CADM2: variants seen among roughly 807,000 people sequenced by gnomAD.
The protein encoded by CADM2 is immunoglobulin superfamily member 4D.
CADM2 carries 12 observed loss-of-function variants against 49.8 expected under a neutral mutation model. The observed-to-expected ratio is 0.24, with a 90% confidence interval of 0.15 to 0.39. The LOEUF (loss-of-function observed/expected upper bound fraction) is 0.39, where lower values mean the gene tolerates loss of function less well. CADM2 is among the 10% of genes least tolerant of loss of function. The probability of loss-of-function intolerance (pLI) is 1.00; values close to 1 mark genes in which losing one functional copy is unlikely to be tolerated. For missense variants in CADM2, 378 were observed against 492.3 expected, an observed-to-expected ratio of 0.77 and a Z score of 2.20; for synonymous variants, 214 against 175.4, an observed-to-expected ratio of 1.22 and a Z score of -1.74.
chr3:84,984,612 A>C (rs2032438060), intron 1 of CADM2, among the ~76,000 whole-genome samples: 1 of 151,966 alleles, frequency 6.6e-6, no homozygotes, highest in Non-Finnish European at 1.5e-5. Flanking sequence ...AGAAAAAAAA[A>C]AAAGGTCAGG....
At chr3:84,972,948 T>C (rs1260726215) in intron 1 of CADM2, among the ~76,000 whole-genome samples, 1 of 152,216 alleles carries the variant, frequency 6.6e-6, no homozygotes, top group African/African-American at 2.4e-5. Flanking sequence ...AGAGTCTTGC[T>C]CTGTCGCCCA....
At chr3:85,243,031 A>T (rs1273569919) in intron 1 of CADM2, among the ~76,000 whole-genome samples, 1 of 151,802 alleles carries the variant, frequency 6.6e-6, no homozygotes, top group East Asian at 1.9e-4. Context: ...TTTAGTTCTG[A>T]GGTCACATAA....
intron 1 of CADM2, among the ~76,000 whole-genome samples, chr3:85,062,884 AC>A (rs991516538): frequency 6.6e-6 from 1 of 151,828 alleles, no homozygotes; most frequent in African/African-American, 2.4e-5. Context: ...TTATTTAATT[AC>A]CGTCTTTATT....
At chr3:84,992,564 G>A (rs375866888) in intron 1 of CADM2, among the ~76,000 whole-genome samples, 1 of 152,056 alleles carries the variant, frequency 6.6e-6, no homozygotes, top group Non-Finnish European at 1.5e-5. Context: ...AGGAGGCGGA[G>A]GTTGCAGTGA....
At chr3:85,952,327 CTAAG>C (rs1723538453) in intron 7 of CADM2, among the ~76,000 whole-genome samples, 1 of 150,572 alleles carries the variant, frequency 6.6e-6, no homozygotes, top group African/African-American at 2.4e-5. Context: ...TTCTTATTTT[CTAAG>C]TGAGTGTATT....
At chr3:85,735,359 G>A (rs1468448234) in intron 2 of CADM2, among the ~76,000 whole-genome samples, 2 of 152,084 alleles carry the variant, frequency 1.3e-5, no homozygotes, top group Non-Finnish European at 2.9e-5. Context: ...GCAGAAAGTG[G>A]CCTAACTTAT....
intron 1 of CADM2, among the ~76,000 whole-genome samples, chr3:85,272,563 A>G (rs1031204157): frequency 6.6e-6 from 1 of 151,284 alleles, no homozygotes; most frequent in Non-Finnish European, 1.5e-5. Flanking sequence ...AGAAACTTAA[A>G]TTTATTTTAG....
chr3:85,919,585 C>A (rs1173541175), intron 6 of CADM2, among the ~76,000 whole-genome samples: 3 of 151,816 alleles, frequency 2.0e-5, no homozygotes, highest in Admixed American at 6.6e-5. Context: ...ACAGTCCTGA[C>A]CTTCTTGATG....
At chr3:85,549,566 A>C (rs1304722062) in intron 1 of CADM2, among the ~76,000 whole-genome samples, 1 of 152,154 alleles carries the variant, frequency 6.6e-6, no homozygotes, top group Non-Finnish European at 1.5e-5. Flanking sequence ...AGGAAACACA[A>C]ATGGCTAATC....
chr3:85,783,293 C>A (rs1411065439), intron 2 of CADM2, among the ~76,000 whole-genome samples: 1 of 152,058 alleles, frequency 6.6e-6, no homozygotes, highest in African/African-American at 2.4e-5. Flanking sequence ...CAAAAATAAG[C>A]CATTAAAATA....
In CADM2 at chr3:85,935,851, A is replaced by G; in HGVS notation, c.785A>G (p.Lys262Arg). 6.3e-7 allele frequency: 1 copy of G among 1,589,264 alleles called. No individual in the cohort carries two copies. The highest frequency in any genetic ancestry group is 8.6e-7 in the Non-Finnish European group (1 of 1,160,848). ...PLILTCESKG[K>R]PLPEPVLWTK... ...ATTTTGACTTGTGAATCCAAAGGAA[A>G]ACCACTGTAAGTGAGTTAATGAGCA... The change falls in exon 7 of 10, where the codon AAA becomes AGA. Residue 262 changes from lysine to arginine, a missense_variant. Physicochemically the swap from Lys to Arg is conservative, Grantham distance 26 (BLOSUM62 2). Transcript: ENST00000383699.
intron 1 of CADM2, among the ~76,000 whole-genome samples, chr3:85,579,197 A>C (rs1326989574): frequency 6.6e-6 from 1 of 152,184 alleles, no homozygotes; most frequent in South Asian, 2.1e-4. Flanking sequence ...TTAATTTATA[A>C]TTTTTAAAAC....
intron 8 of CADM2, among the ~76,000 whole-genome samples, chr3:86,039,500 T>C (rs1322240556): frequency 6.6e-6 from 1 of 152,144 alleles, no homozygotes; most frequent in African/African-American, 2.4e-5. Context: ...CACAGCAGTC[T>C]GACATCAAAC....
intron 3 of CADM2, among the ~76,000 whole-genome samples, chr3:85,868,941 A>T (rs1423471245): frequency 2.6e-5 from 4 of 151,996 alleles, no homozygotes; most frequent in Admixed American, 2.6e-4. Context: ...AATATTTCAG[A>T]TTAATTTTTC....
intron 2 of CADM2, among the ~76,000 whole-genome samples, chr3:85,744,939 G>T (rs775645654): frequency 2.5e-4 from 38 of 152,186 alleles, no homozygotes; most frequent in Non-Finnish European, 5.3e-4. Context: ...GGAAATTATG[G>T]TTGCTTTGTT....
rs537477744 is a variant in CADM2 at position 85,429,019 on chromosome 3, T to C, written c.62-297503T>C. Among the ~76,000 whole-genome samples the C allele has an allele frequency of 6.6e-5, 10 of 152,094 alleles. No individual in the cohort carries two copies. The South Asian group carries it at 2.1e-3, about 32-fold the overall frequency. On this transcript the variant is annotated intron_variant, in intron 1 of 9. Coordinates refer to ENST00000383699, the MANE Select transcript of CADM2 (RefSeq NM_001167675.2). ...ATTCCTTTGGCTCAAAATGTTTTGG[T>C]TTTAGTTTACTTGACTCTGGTTTGA... is the stretch of plus-strand genomic sequence containing the variant.
At chr3:85,871,706 GTCA>G (rs149315637) in intron 3 of CADM2, among the ~76,000 whole-genome samples, 42 of 151,918 alleles carry the variant, frequency 2.8e-4, no homozygotes, top group Admixed American at 7.9e-4. Context: ...CTCTATCGTT[GTCA>G]TCATCATCAT....
intron 1 of CADM2, among the ~76,000 whole-genome samples, chr3:85,465,021 C>A (rs917426377): frequency 6.6e-6 from 1 of 152,030 alleles, no homozygotes; most frequent in Admixed American, 6.6e-5. Context: ...TGGTGGCACA[C>A]GCCTATAGTC....
intron 8 of CADM2, among the ~76,000 whole-genome samples, chr3:85,976,828 T>A (rs573018411): frequency 6.6e-6 from 1 of 151,704 alleles, no homozygotes; most frequent in Non-Finnish European, 1.5e-5. Context: ...AATAATAATT[T>A]GTAATGTTAT....
Sources: gnomAD v4.1 joint callset for allele counts (sites outside exome capture counted in the v4.1 genomes callset) on GRCh38, gnomAD v4.1.1 for gene constraint, MANE v1.5 for transcripts, NCBI Gene and HGNC (gene_info 2026-07-23, HGNC 2026-07-21) for gene names.